BTAF1: variants seen among roughly 807,000 people sequenced by gnomAD.
The protein encoded by BTAF1 is TATA-binding protein-associated factor 172.
Under a neutral mutation model 227.1 loss-of-function variants are expected in BTAF1, and 38 were observed. The ratio of observed to expected loss-of-function variants is 0.17; its 90% CI spans 0.13 to 0.22. The LOEUF (loss-of-function observed/expected upper bound fraction) is 0.22, where lower values mean the gene tolerates loss of function less well. BTAF1 is among the 10% of genes least tolerant of loss of function. The pLI is 1.00. For missense variants in BTAF1, 1,598 were observed against 2,204.0 expected (o/e 0.73, Z 5.51); for synonymous variants, 742 against 751.9 (o/e 0.99, Z 0.21).
intron 1 of BTAF1, among the ~76,000 whole-genome samples, chr10:91,928,630 C>G (rs1844032585): frequency 6.6e-6 from 1 of 151,942 alleles, no homozygotes; most frequent in African/African-American, 2.4e-5. Flanking sequence ...TTTTGAACAC[C>G]ATTATTTTGC....
At chr10:91,980,187 A>C (rs929878199) in intron 14 of BTAF1, among the ~76,000 whole-genome samples, 1 of 152,142 alleles carries the variant, frequency 6.6e-6, no homozygotes, top group African/African-American at 2.4e-5. Flanking sequence ...GATGATTTCA[A>C]CTTTGAGGAA....
intron 25 of BTAF1, among the ~76,000 whole-genome samples, chr10:92,002,416 A>G (rs1379336213): frequency 6.6e-6 from 1 of 152,104 alleles, no homozygotes; most frequent in Non-Finnish European, 1.5e-5. Context: ...TGAGAAGGAC[A>G]CTCACGAGGG....
intron 4 of BTAF1, 102 bp from the exon 5 acceptor site, chr10:91,951,301 G>A (rs1175006829): frequency 1.1e-5 from 14 of 1,225,662 alleles, no homozygotes; most frequent in Non-Finnish European, 1.6e-5. Flanking sequence ...ATTGGCAGAA[G>A]GGATGCTTTG....
chr10:91,973,903 CAAAAAAAAAA>C (rs566022941), intron 14 of BTAF1, among the ~76,000 whole-genome samples: 9 of 93,918 alleles, frequency 9.6e-5, no homozygotes, highest in East Asian at 3.0e-4. Flanking sequence ...GACTCCGTCT[CAAAAAAAAAA>C]AAAAAAAAAA....
At chr10:91,958,596 G>C (rs1846262666) in intron 8 of BTAF1, among the ~76,000 whole-genome samples, 1 of 152,086 alleles carries the variant, frequency 6.6e-6, no homozygotes, top group African/African-American at 2.4e-5. Context: ...CAGCTACTTG[G>C]GGGGCTTGAG....
chr10:91,959,416 C>G (rs1322813867), intron 9 of BTAF1: 2 of 525,046 alleles, frequency 3.8e-6, no homozygotes, highest in East Asian at 4.8e-5. Context: ...GACCGGTGTG[C>G]TTGATATGAG....
At position 91,952,144 on chromosome 10, in the gene BTAF1, A is replaced by ATG. The variant is rs537285079; in HGVS notation, c.564+592_564+593dup. 5.6e-4 allele frequency among the ~76,000 whole-genome samples: 83 copies of ATG among 149,044 alleles called. No homozygotes were observed. In the South Asian group the frequency reaches 8.8e-3, roughly 16 times the overall value. Reference sequence around the variant, plus strand: ...TGTTTGTGTGTGTGTATATATGTATATGTGTGTGTGTGTGTTTGTGTGTGT... The same window carrying ATG: ...TGTTTGTGTGTGTGTATATATGTATATGTGTGTGTGTGTGTGTTTGTGTGTGT... On this transcript the variant is annotated intron_variant, in intron 5 of 37. Transcript: ENST00000265990.
rs149118446 is a variant in BTAF1 at position 91,951,313 on chromosome 10, G to A, written c.401-90G>A. 2.2e-6 allele frequency: 3 copies of A among 1,338,988 alleles called. No homozygotes were observed. The East Asian group carries it at 7.6e-5, about 34-fold the overall frequency. The allele number at this position is 1,338,988 out of a possible 1,614,324, so 82.9% of individuals were successfully genotyped here. On this transcript the variant is annotated intron_variant, in intron 4 of 37. Transcript: ENST00000265990. ...TTTATTGGCAGAAGGGATGCTTTGT[G>A]TATTTTTTTATTTTGATAGAGTTTG...
intron 25 of BTAF1, among the ~76,000 whole-genome samples, chr10:92,003,510 C>T (rs1300504150): frequency 3.9e-5 from 6 of 152,138 alleles, no homozygotes; most frequent in African/African-American, 1.4e-4. Flanking sequence ...ATTTGTCTTT[C>T]TGTGCCTGGC....
chr10:91,959,179 T>C (rs1438713159), intron 9 of BTAF1, 25 bp downstream of exon 9: 4 of 1,613,400 alleles, frequency 2.5e-6, no homozygotes, highest in African/African-American at 2.7e-5. Flanking sequence ...GCAACAATTA[T>C]CACCAAGTAT....
intron 11 of BTAF1, among the ~76,000 whole-genome samples, chr10:91,960,593 T>G (rs919453812): frequency 1.6e-4 from 25 of 151,902 alleles, no homozygotes; most frequent in African/African-American, 5.8e-4. Flanking sequence ...CAGTGTTTTT[T>G]TTTTTTTTTT....
rs768178831 is a variant in BTAF1 at position 91,982,158 on chromosome 10, G to C, written c.1981G>C (p.Asp661His). Residue 661 changes from aspartate to histidine, a missense_variant, in exon 17 of 38, where the codon GAC (aspartate) becomes CAC (histidine). Physicochemically the swap from Asp to His is moderately conservative, Grantham distance 81. Coordinates refer to ENST00000265990, the MANE Select transcript of BTAF1 (RefSeq NM_003972.3). ...EVLQEYIAGA[D>H]TIMEDPATRD... ...ACTTCAGGAGTATATTGCAGGTGCC[G>C]ACACCATCATGGAAGACCCAGCCAC... 2 of 1,613,902 alleles carry C rather than the reference G, an allele frequency of 1.2e-6. No homozygotes were observed. Among genetic ancestry groups the C allele is most frequent in the Non-Finnish European group, 8.5e-7 (1 of 1,179,920 alleles).
chr10:91,995,530 G>T (rs1479158093), intron 23 of BTAF1, among the ~76,000 whole-genome samples: 2 of 152,054 alleles, frequency 1.3e-5, no homozygotes, highest in Non-Finnish European at 2.9e-5. Flanking sequence ...ACAAAAATTA[G>T]CCGGGCGTGA....
intron 9 of BTAF1, 43 bp from the exon 10 acceptor site, chr10:91,959,742 A>T (rs3047361): frequency 1.1e-5 from 1 of 94,960 alleles, no homozygotes; most frequent in Non-Finnish European, 1.6e-5. Context: ...GTGTGTGTGT[A>T]TATATATATA....
In BTAF1 at chr10:92,020,591, C is replaced by T. The variant is rs1851057399; in HGVS notation, c.4863+1656C>T. Among the ~76,000 whole-genome samples the T allele has an allele frequency of 5.3e-5, 8 of 152,090 alleles. No homozygotes were observed. In the South Asian group the frequency reaches 1.7e-3, roughly 32 times the overall value. ...CTAATAGTGTATCTGGCATATATAT[C>T]CAAATATGTATCCTTACATCACTAA... On this transcript the variant is annotated intron_variant, in intron 34 of 37. Transcript: ENST00000265990.
chr10:91,964,393 AT>A (rs558247649), intron 13 of BTAF1, among the ~76,000 whole-genome samples, 192 bp downstream of exon 13: 64 of 149,080 alleles, frequency 4.3e-4, no homozygotes, highest in East Asian at 2.0e-3. Flanking sequence ...TACAAAGATC[AT>A]TTTTTTTTTA....
intron 18 of BTAF1, 26 bp downstream of exon 18, chr10:91,982,787 A>G (rs777269553): frequency 8.3e-6 from 13 of 1,561,172 alleles, no homozygotes; most frequent in Non-Finnish European, 9.6e-6. Flanking sequence ...AAAAGTAATA[A>G]AGACAAATTA....
chr10:92,000,432 A>G (rs985298286), intron 25 of BTAF1, among the ~76,000 whole-genome samples: 3 of 152,232 alleles, frequency 2.0e-5, no homozygotes, highest in Non-Finnish European at 2.9e-5. Flanking sequence ...AATCAGTTTA[A>G]TAGCCATTTG....
rs1263868966 is a variant in BTAF1 at position 91,940,035 on chromosome 10, T to C, written c.222T>C (p.Pro74=). The C allele has an allele frequency of 1.2e-6, 2 of 1,612,486 alleles. No individual in the cohort carries two copies. Among genetic ancestry groups the C allele is most frequent in the Non-Finnish European group, 8.5e-7 (1 of 1,179,010 alleles). Residue 74 remains proline (P), a synonymous_variant, in exon 3 of 38, where the codon CCT becomes CCC. Transcript: ENST00000265990. ...QAVEAIVKNV[P]EWNPVPRTRQ... ...TTGAAGCTATAGTGAAAAATGTACC[T>C]GAGTGGAATCCAGTGCCGAGAACCA...
Sources: gnomAD v4.1 joint callset for allele counts (sites outside exome capture counted in the v4.1 genomes callset) on GRCh38, gnomAD v4.1.1 for gene constraint, MANE v1.5 for transcripts, NCBI Gene and HGNC (gene_info 2026-07-23, HGNC 2026-07-21) for gene names.